Variants in BLTP1 observed in about 807,000 individuals in gnomAD.
BLTP1 encodes the protein bridge-like lipid transfer protein family member 1.
the BLTP1 span, among the ~76,000 whole-genome samples, chr4:122,166,300 A>G: frequency 6.6e-6 from 1 of 152,170 alleles, no homozygotes; most frequent in Non-Finnish European, 1.5e-5. Flanking sequence ...ATGGCTAGCC[A>G]GTTTTCCCAG....
chr4:122,311,146 T>A, the BLTP1 span, among the ~76,000 whole-genome samples: 2 of 152,294 alleles, frequency 1.3e-5, no homozygotes, highest in Admixed American at 6.5e-5. Context: ...TAACAGTTTA[T>A]CTTAAAGGGC....
chr4:122,154,308 T>C, the BLTP1 span: 2 of 984,254 alleles, frequency 2.0e-6, 1 homozygote, highest in African/African-American at 3.5e-5. Context: ...CCCAAGTAGC[T>C]GGGTCTTCTG....
the BLTP1 span, chr4:122,350,022 C>A: frequency 1.2e-6 from 2 of 1,613,904 alleles, no homozygotes; most frequent in Non-Finnish European, 1.7e-6. Context: ...CAGTTCCTTA[C>A]CTTCCGCCAA....
chr4:122,335,428 C>T, the BLTP1 span, among the ~76,000 whole-genome samples: 1 of 152,064 alleles, frequency 6.6e-6, no homozygotes, highest in Non-Finnish European at 1.5e-5. Context: ...ACCGTACATA[C>T]ATGGCAGGAT....
At chr4:122,304,977 A>G in the BLTP1 span, 4 of 1,613,740 alleles carry the variant, frequency 2.5e-6, no homozygotes, top group Non-Finnish European at 2.5e-6. Context: ...AAATTGTCAA[A>G]CATCAGGTGA....
At chr4:122,291,697 G>C in the BLTP1 span, 2,978 of 972,594 alleles carry the variant, frequency 3.1e-3, 73 homozygotes, top group African/African-American at 0.048. Context: ...AGCCATCTTA[G>C]AAGCATATAA....
At chr4:122,240,467 C>A in the BLTP1 span, 4 of 813,086 alleles carry the variant, frequency 4.9e-6, no homozygotes, top group Non-Finnish European at 7.6e-6. Context: ...GAGAGAGAGA[C>A]TTTCTGAAGC....
At chr4:122,347,793 T>C in the BLTP1 span, 1 of 1,597,966 alleles carries the variant, frequency 6.3e-7, no homozygotes, top group Middle Eastern at 1.7e-4. Flanking sequence ...ACACTGCTCT[T>C]TTTGTTATCA....
chr4:122,200,659 TCTTC>T, the BLTP1 span: 30 of 984,392 alleles, frequency 3.0e-5, no homozygotes, highest in African/African-American at 4.9e-4. Context: ...TCACACTCTA[TCTTC>T]CTTCACACTG....
the BLTP1 span, chr4:122,347,599 T>G: frequency 6.2e-7 from 1 of 1,613,880 alleles, no homozygotes; most frequent in Non-Finnish European, 8.5e-7. Flanking sequence ...AAAAGCTTAC[T>G]GCAAGACCTG....
chr4:122,353,201 A>G, the BLTP1 span: 1 of 1,582,624 alleles, frequency 6.3e-7, no homozygotes, highest in Admixed American at 1.8e-5. This position sits in a 1 kb window ranked among gnomAD's most constrained non-coding sequence, Gnocchi z 4.3. Flanking sequence ...ATCTTCTGTT[A>G]TGACTATAAA....
chr4:122,160,022 T>C, the BLTP1 span, among the ~76,000 whole-genome samples: 1 of 152,212 alleles, frequency 6.6e-6, no homozygotes, highest in Non-Finnish European at 1.5e-5. Context: ...AAGAGGATAA[T>C]TGTTTATTTT....
the BLTP1 span, chr4:122,289,925 T>C: frequency 3.0e-6 from 1 of 338,386 alleles, no homozygotes; most frequent in Non-Finnish European, 4.2e-6. Flanking sequence ...AAAACTACTG[T>C]AGTCTAAAGG....
At chr4:122,310,962 C>CA in the BLTP1 span, 2 of 844,082 alleles carry the variant, frequency 2.4e-6, no homozygotes, top group Non-Finnish European at 2.9e-6. Flanking sequence ...TTATTTTACA[C>CA]AATAGTTATA....
the BLTP1 span, chr4:122,331,695 A>G: frequency 1.0e-6 from 1 of 978,992 alleles, no homozygotes; most frequent in African/African-American, 1.8e-5. Context: ...TATTTCTTAT[A>G]CAGTTTCTTA....
At chr4:122,318,312 C>T in the BLTP1 span, 2 of 1,543,292 alleles carry the variant, frequency 1.3e-6, no homozygotes, top group Non-Finnish European at 1.8e-6. Flanking sequence ...ACAAAACCAC[C>T]TGACTTTTTC....
chr4:122,337,462 G>A, the BLTP1 span, among the ~76,000 whole-genome samples: 1 of 152,056 alleles, frequency 6.6e-6, no homozygotes, highest in East Asian at 1.9e-4. Context: ...GGTTGTATGG[G>A]TCCTCAAAGT....
the BLTP1 span, chr4:122,281,814 AT>A: frequency 6.9e-7 from 1 of 1,446,222 alleles, no homozygotes; most frequent in Non-Finnish European, 9.1e-7. Flanking sequence ...AAAATTTATG[AT>A]TTGTTTGAGA....
the BLTP1 span, chr4:122,350,215 C>A: frequency 1.0e-5 from 15 of 1,432,450 alleles, no homozygotes; most frequent in Non-Finnish European, 1.3e-5. Flanking sequence ...TAGCAAAGGA[C>A]CAGAATTTCT....
Sources: gnomAD v4.1 joint callset for allele counts (sites outside exome capture counted in the v4.1 genomes callset) on GRCh38, gnomAD v4.1.1 for gene constraint, Gnocchi (gnomAD v3.1) non-coding constraint, MANE v1.5 for transcripts, NCBI Gene and HGNC (gene_info 2026-07-23, HGNC 2026-07-21) for gene names.